NRXN2: variants seen among roughly 807,000 people sequenced by gnomAD.
NRXN2 encodes the protein neurexin-2-beta.
NRXN2 carries 29 observed loss-of-function variants against 128.8 expected under a neutral mutation model. The ratio of observed to expected loss-of-function variants is 0.23; its 90% CI spans 0.17 to 0.31. The LOEUF (loss-of-function observed/expected upper bound fraction) is 0.31, where lower values mean the gene tolerates loss of function less well. Among genes scored for constraint, NRXN2 ranks in the 10% least tolerant of loss-of-function variants. The pLI is 1.00. For synonymous variants in NRXN2, 1,098 were observed against 1,075.2 expected, an observed-to-expected ratio of 1.02 and a Z score of -0.41; for missense variants, 1,881 against 2,452.6, an observed-to-expected ratio of 0.77 and a Z score of 4.92.
At position 64,660,198 on chromosome 11, in the gene NRXN2, G is replaced by A; in HGVS notation, c.2389+134C>T. The stretch of plus-strand genomic sequence containing the variant: ...GCTCTCAGGGTCTCTGACCCAGGCT[G>A]GCGCCTCCCCACCTCCAAACTCTGC... On this transcript the variant is annotated intron_variant, in intron 11 of 22. Transcript: ENST00000265459. This position sits in a 1 kb window ranked among gnomAD's most constrained non-coding sequence, Gnocchi z 5.2. 1.1e-6 allele frequency: 1 copy of A among 939,964 alleles called. No homozygotes were observed. The highest frequency in any genetic ancestry group is 1.7e-6 in the Non-Finnish European group (1 of 587,102). 58.2% of individuals were successfully genotyped at this position (939,964 alleles called of 1,614,324 possible).
chr11:64,694,850 C>T (rs2054282091), intron 3 of NRXN2, among the ~76,000 whole-genome samples: 1 of 152,124 alleles, frequency 6.6e-6, no homozygotes, highest in Non-Finnish European at 1.5e-5. Context: ...CAGGTCTCTG[C>T]CCACCCCCAG....
chr11:64,639,277 T>C (rs1001179505), intron 17 of NRXN2, among the ~76,000 whole-genome samples: 1 of 152,150 alleles, frequency 6.6e-6, no homozygotes, highest in Non-Finnish European at 1.5e-5. Context: ...TGTCTCTTGA[T>C]CTAGGATCCC....
intron 2 of NRXN2, among the ~76,000 whole-genome samples, chr11:64,703,681 C>T (rs926014908): frequency 1.2e-4 from 19 of 152,162 alleles, no homozygotes; most frequent in African/African-American, 4.1e-4. Context: ...AAAGCCCTGC[C>T]CTTTCCTTTC....
chr11:64,645,702 G>A (rs1295309599), intron 17 of NRXN2, among the ~76,000 whole-genome samples: 1 of 152,132 alleles, frequency 6.6e-6, no homozygotes, highest in Non-Finnish European at 1.5e-5. Flanking sequence ...TAGTCCCCAT[G>A]TCACAGATGG....
At chr11:64,640,887 G>A (rs2045560798) in intron 17 of NRXN2, among the ~76,000 whole-genome samples, 1 of 152,142 alleles carries the variant, frequency 6.6e-6, no homozygotes, top group Admixed American at 6.5e-5. Context: ...CATGGAGCAA[G>A]AATGGGGAGG....
intron 1 of NRXN2, among the ~76,000 whole-genome samples, chr11:64,721,593 A>G (rs1448645615): frequency 6.6e-6 from 1 of 151,940 alleles, no homozygotes; most frequent in Non-Finnish European, 1.5e-5. Context: ...CACAAAACAG[A>G]AGGCCTCACA....
At chr11:64,712,651 C>G (rs1194881743) in intron 2 of NRXN2, 3 of 543,240 alleles carry the variant, frequency 5.5e-6, no homozygotes, top group Non-Finnish European at 1.1e-5. Context: ...GACCCTCACC[C>G]ACCAAGCCCA....
intron 2 of NRXN2, among the ~76,000 whole-genome samples, chr11:64,707,610 A>T (rs1253473810): frequency 6.6e-6 from 1 of 152,188 alleles, no homozygotes; most frequent in Non-Finnish European, 1.5e-5. Context: ...TGTTCTAAGC[A>T]CTTTACATGA....
intron 7 of NRXN2, among the ~76,000 whole-genome samples, chr11:64,671,182 G>A (rs569243177): frequency 7.9e-5 from 12 of 152,152 alleles, no homozygotes; most frequent in African/African-American, 2.9e-4. Flanking sequence ...TATGACCCAG[G>A]GGTGGAGTAG....
chr11:64,639,297 C>T (rs1413376854), intron 17 of NRXN2, among the ~76,000 whole-genome samples: 1 of 152,104 alleles, frequency 6.6e-6, no homozygotes, highest in Admixed American at 6.6e-5. Flanking sequence ...CAGAACACAG[C>T]CTTTCAATTC....
rs2042725574 is a variant in NRXN2 at position 64,623,911 on chromosome 11, G to A, written c.3848-833C>T. On this transcript the variant is annotated intron_variant, in intron 20 of 22. Coordinates refer to ENST00000265459, the MANE Select transcript of NRXN2 (RefSeq NM_015080.4). This position sits in a 1 kb window ranked among gnomAD's most constrained non-coding sequence, Gnocchi z 4.9. The stretch of plus-strand genomic sequence containing the variant: ...ACACCTCAGAATTCCCAGCTGGGTG[G>A]GGTTGGGCTGTTCTGTTTGTTTTTA... 6.6e-6 allele frequency: 1 copy of A among 152,286 alleles called. No homozygotes were observed. Among genetic ancestry groups the A allele is most frequent in the African/African-American group, 2.4e-5 (1 of 41,458 alleles). 9.4% of individuals were successfully genotyped at this position (152,286 alleles called of 1,614,324 possible). A position where few individuals can be genotyped will look rare whatever the true frequency, so the allele number is the denominator to read the frequency against.
At chr11:64,609,169 C>T (rs559677718) in intron 22 of NRXN2, among the ~76,000 whole-genome samples, 22 of 151,912 alleles carry the variant, frequency 1.4e-4, no homozygotes, top group Non-Finnish European at 3.1e-4. Context: ...GGGGAGTGGG[C>T]AGGGACACAT....
At position 64,692,927 on chromosome 11, in the gene NRXN2, A is replaced by C. The variant is rs186793750; in HGVS notation, c.749-51T>G. 8.9e-6 allele frequency: 13 copies of C among 1,464,446 alleles called. No homozygotes were observed. The African/African-American group carries it at 1.8e-4, about 21-fold the overall frequency. 90.7% of individuals were successfully genotyped at this position (1,464,446 alleles called of 1,614,324 possible). ...AAGAAAGAAAAAAAGAAGAAGAAAA[A>C]AGAAAGAAAAGGGGAAAGAAACAAA... is the stretch of plus-strand genomic sequence containing the variant. On this transcript the variant is annotated intron_variant, in intron 3 of 22. Coordinates refer to ENST00000265459, the MANE Select transcript of NRXN2 (RefSeq NM_015080.4).
chr11:64,624,458 G>T (rs1457307505), intron 20 of NRXN2, among the ~76,000 whole-genome samples: 1 of 152,224 alleles, frequency 6.6e-6, no homozygotes. Flanking sequence ...ATGGCCAAGA[G>T]GCCAAGAGGC....
chr11:64,651,937 C>T lies in NRXN2; in HGVS notation c.2536+98G>A, dbSNP rs868733281. The T allele has an allele frequency of 6.4e-7, 1 of 1,566,414 alleles. No homozygotes were observed. Among genetic ancestry groups the T allele is most frequent in the African/African-American group, 1.3e-5 (1 of 74,360 alleles). On this transcript the variant is annotated intron_variant, in intron 13 of 22. Transcript: ENST00000265459. The surrounding 1 kb of genome is among the most constrained non-coding windows in gnomAD (Gnocchi z 5.9). ...GCAGAGGCAGCTTGCCAGAACACTG[C>T]CCTAGGAATGGCAGCCCAGGCAGTA...
At position 64,607,164 on chromosome 11, in the gene NRXN2, G is replaced by GGC; in HGVS notation, c.*30_*31dup. 1 of 1,604,326 alleles carries GGC rather than the reference G, an allele frequency of 6.2e-7. No individual in the cohort carries two copies. The highest frequency in any genetic ancestry group is 8.5e-7 in the Non-Finnish European group (1 of 1,173,814). ...CCTCCTCCCGGGCCCTCCCAGGAGG[G>GGC]GCAGCTGGCAGTGGGGCGCAGTGCC... On this transcript the variant is annotated 3_prime_UTR_variant, in exon 23 of 23. Coordinates refer to ENST00000265459, the MANE Select transcript of NRXN2 (RefSeq NM_015080.4).
chr11:64,612,196 C>T (rs961508853), intron 22 of NRXN2, among the ~76,000 whole-genome samples: 1 of 152,144 alleles, frequency 6.6e-6, no homozygotes, highest in African/African-American at 2.4e-5. Context: ...TTGGCAGGAC[C>T]TGGAGGAGGG....
Position 64,623,785 on chromosome 11 carries a change from A to T in NRXN2, c.3848-707T>A, listed in dbSNP as rs1474704276. ...CCGAGCCCTTCCTCCCCACCTGGAC[A>T]TGCAAGCACAGAAGTGGAAAATGTT... is the stretch of plus-strand genomic sequence containing the variant. On this transcript the variant is annotated intron_variant, in intron 20 of 22. Transcript: ENST00000265459. This position sits in a 1 kb window ranked among gnomAD's most constrained non-coding sequence, Gnocchi z 4.9. 1 of 152,694 alleles carries T rather than the reference A, an allele frequency of 6.5e-6. No homozygotes were observed. The highest frequency in any genetic ancestry group is 1.5e-5 in the Non-Finnish European group (1 of 68,452). 9.5% of individuals were successfully genotyped at this position (152,694 alleles called of 1,614,324 possible). A position where few individuals can be genotyped will look rare whatever the true frequency, so the allele number is the denominator to read the frequency against.
At position 64,685,708 on chromosome 11, in the gene NRXN2, C is replaced by T. The variant is rs146308270; in HGVS notation, c.1090G>A (p.Val364Ile). 1,647 of 1,614,220 alleles carry T rather than the reference C, an allele frequency of 1.0e-3. 5 individuals carry two copies. The highest frequency in any genetic ancestry group is 1.2e-3 in the Non-Finnish European group (1,384 of 1,180,046). The change falls in exon 6 of 23, where the codon GTC becomes ATC. Residue 364 changes from valine (V) to isoleucine (I), a missense_variant. Val to Ile is a conservative substitution (Grantham distance 29). This residue lies in a region of NRXN2 where 997 missense variants were observed against 1,240.8 expected (regional missense o/e 0.80). Transcript: ENST00000265459. ...GCGTTGTCGTTGAACTTGCCATTGACGGGTTCCACAAGGGCCTCGAAGGCA... is the reference window on the plus strand; with the variant it reads ...GCGTTGTCGTTGAACTTGCCATTGATGGGTTCCACAAGGGCCTCGAAGGCA... ...SGAFEALVEP[V>I]NGKFNDNAWH... is the part of the protein sequence containing the mutation.
Sources: allele counts gnomAD v4.1 joint callset (sites outside exome capture counted in the v4.1 genomes callset), GRCh38; gene constraint gnomAD v4.1.1; regional missense constraint gnomAD v4.1.1; non-coding constraint Gnocchi (gnomAD v3.1); transcripts MANE v1.5; gene names NCBI Gene and HGNC (gene_info 2026-07-23, HGNC 2026-07-21).